MTMR2: variants seen among roughly 807,000 people sequenced by gnomAD.
MTMR2 encodes the protein phosphatidylinositol-3,5-bisphosphate 3-phosphatase MTMR2.
In MTMR2, 55 loss-of-function variants were observed where a neutral mutation model predicts 86.9. The observed-to-expected ratio is 0.63, with a 90% CI of 0.51 to 0.79. MTMR2 has a LOEUF of 0.79. Among genes scored for constraint, MTMR2 ranks in the 30% least tolerant of loss-of-function variants. The pLI is 0.00. For missense variants in MTMR2, 659 were observed against 772.3 expected (o/e 0.85, Z 1.74); for synonymous variants, 241 against 266.8 (o/e 0.90, Z 0.94).
chr11:95,867,674 G>T (rs1396591073), intron 2 of MTMR2, among the ~76,000 whole-genome samples: 1 of 152,086 alleles, frequency 6.6e-6, no homozygotes, highest in Non-Finnish European at 1.5e-5. Context: ...ACTGGAGATA[G>T]GAAAAGGAAC....
At chr11:95,893,472 T>C (rs940274353) in intron 1 of MTMR2, among the ~76,000 whole-genome samples, 1 of 152,134 alleles carries the variant, frequency 6.6e-6, no homozygotes, top group Admixed American at 6.6e-5. Context: ...TCATGATTCA[T>C]TGCTCTCCTT....
chr11:95,865,254 C>T lies in MTMR2; in HGVS notation c.262+347G>A, dbSNP rs1000075635. Among the ~76,000 whole-genome samples the T allele has an allele frequency of 3.3e-5, 5 of 152,128 alleles. 1 individual carries two copies. Among genetic ancestry groups the T allele is most frequent in the Non-Finnish European group, 1.5e-5 (1 of 68,030 alleles). ...CAATTCAATGTTTTTATCTAGGCAACTCAATATCTGAATATAGTAATTCAA... is the reference window on the plus strand; with the variant it reads ...CAATTCAATGTTTTTATCTAGGCAATTCAATATCTGAATATAGTAATTCAA... On this transcript the variant is annotated intron_variant, in intron 3 of 14. Coordinates refer to ENST00000346299, the MANE Select transcript of MTMR2 (RefSeq NM_016156.6).
intron 2 of MTMR2, among the ~76,000 whole-genome samples, chr11:95,872,649 T>A (rs1265040915): frequency 2.0e-5 from 3 of 152,198 alleles, no homozygotes; most frequent in Non-Finnish European, 2.9e-5. Flanking sequence ...TCCAACACTA[T>A]GTTGAATAGG....
At chr11:95,858,851 G>GCA (rs1864304645) in intron 5 of MTMR2, among the ~76,000 whole-genome samples, 1 of 152,126 alleles carries the variant, frequency 6.6e-6, no homozygotes, top group African/African-American at 2.4e-5. Context: ...AATTCAGAGG[G>GCA]CAGGAAATTT....
At chr11:95,844,873 T>G in intron 11 of MTMR2, 80 bp downstream of exon 11, 2 of 1,289,916 alleles carry the variant, frequency 1.6e-6, no homozygotes, top group Non-Finnish European at 2.2e-6. Flanking sequence ...GATGAATATC[T>G]TATTTTAAAA....
chr11:95,872,913 C>T (rs1362902135), intron 2 of MTMR2, among the ~76,000 whole-genome samples: 30 of 152,062 alleles, frequency 2.0e-4, no homozygotes, highest in Non-Finnish European at 3.5e-4. Flanking sequence ...TGCTGGATTA[C>T]GTTTATTGAT....
intron 1 of MTMR2, among the ~76,000 whole-genome samples, chr11:95,903,077 C>A (rs1025953121): frequency 6.6e-6 from 1 of 152,136 alleles, no homozygotes; most frequent in Non-Finnish European, 1.5e-5. Flanking sequence ...TTCAGTTAAT[C>A]GAATTCCTCT....
At chr11:95,918,553 G>A (rs1365881860) in intron 1 of MTMR2, among the ~76,000 whole-genome samples, 1 of 152,138 alleles carries the variant, frequency 6.6e-6, no homozygotes, top group Non-Finnish European at 1.5e-5. Context: ...TCTTATCTAA[G>A]AGAACTTAGA....
chr11:95,905,962 C>T (rs962736239), intron 1 of MTMR2, among the ~76,000 whole-genome samples: 10 of 152,080 alleles, frequency 6.6e-5, no homozygotes, highest in African/African-American at 1.7e-4. Context: ...ATCGTGGTTC[C>T]GCCTGTAATA....
rs116972650 is a variant in MTMR2, at chr11:95,918,347, G to C, written c.80+5528C>G. ...TTGCATTTTTAACAAATCCCAAAGA[G>C]ATACTGATGCTACTGGCCTGGAGAC... On this transcript the variant is annotated intron_variant, in intron 1 of 14. Transcript: ENST00000346299. 5.7e-3 allele frequency among the ~76,000 whole-genome samples: 864 copies of C among 152,302 alleles called. 6 individuals carry two copies. Among genetic ancestry groups the C allele is most frequent in the Non-Finnish European group, 0.01 (699 of 68,024 alleles).
intron 1 of MTMR2, among the ~76,000 whole-genome samples, chr11:95,894,873 T>A (rs1865827924): frequency 6.6e-6 from 1 of 152,120 alleles, no homozygotes; most frequent in African/African-American, 2.4e-5. Flanking sequence ...TGAGAAAATA[T>A]GAGTAAAAAT....
intron 2 of MTMR2, among the ~76,000 whole-genome samples, chr11:95,870,344 TA>T (rs1282999658): frequency 6.6e-6 from 1 of 150,548 alleles, no homozygotes; most frequent in Non-Finnish European, 1.5e-5. Context: ...ACCAGTCATG[TA>T]AAAAAAAACA....
chr11:95,866,776 G>A (rs1347266359), intron 2 of MTMR2, among the ~76,000 whole-genome samples: 3 of 149,570 alleles, frequency 2.0e-5, no homozygotes, highest in African/African-American at 7.4e-5. Flanking sequence ...CTATGAAGAT[G>A]GGGTTAAAAA....
chr11:95,924,105 T>A lies in MTMR2; in HGVS notation c.-151A>T. On this transcript the variant is annotated 5_prime_UTR_variant, in exon 1 of 15. Transcript: ENST00000346299. ...CGGAAGCGGCCATGTTCCCCCAGAG[T>A]GCACCGCGCCTGTAGGCTGCTGGGC... is the stretch of plus-strand genomic sequence containing the variant. 3 of 971,464 alleles carry A rather than the reference T, an allele frequency of 3.1e-6. No homozygotes were observed. Among genetic ancestry groups the A allele is most frequent in the Non-Finnish European group, 4.7e-6 (3 of 634,442 alleles). The allele number at this position is 971,464 out of a possible 1,614,324, so 60.2% of individuals were successfully genotyped here.
intron 1 of MTMR2, among the ~76,000 whole-genome samples, chr11:95,920,674 A>G (rs1866887488): frequency 6.7e-6 from 1 of 148,552 alleles, no homozygotes; most frequent in Non-Finnish European, 1.5e-5. Flanking sequence ...GACTCATCAC[A>G]TGTTTATTGT....
chr11:95,836,356 C>T, intron 13 of MTMR2, 32 bp from the exon 14 acceptor site: 1 of 1,559,652 alleles, frequency 6.4e-7, no homozygotes, highest in Non-Finnish European at 8.8e-7. Flanking sequence ...AAAGATTCTC[C>T]ACCACATAAG....
chr11:95,840,758 T>C (rs544695486), intron 12 of MTMR2, among the ~76,000 whole-genome samples: 2 of 152,162 alleles, frequency 1.3e-5, no homozygotes, highest in African/African-American at 2.4e-5. Flanking sequence ...CAGTATTTTA[T>C]TGAAGCTAAA....
At chr11:95,878,759 T>C (rs1353654487) in intron 2 of MTMR2, among the ~76,000 whole-genome samples, 5 of 152,158 alleles carry the variant, frequency 3.3e-5, no homozygotes, top group Non-Finnish European at 5.9e-5. Flanking sequence ...TTCTGAGCTA[T>C]ACTTCAGACA....
intron 2 of MTMR2, among the ~76,000 whole-genome samples, chr11:95,883,623 T>C (rs546061805): frequency 7.9e-5 from 12 of 152,312 alleles, no homozygotes; most frequent in South Asian, 6.2e-4. Flanking sequence ...TATAAGACTT[T>C]TTCCATAACA....
Sources: allele counts gnomAD v4.1 joint callset (sites outside exome capture counted in the v4.1 genomes callset), GRCh38; gene constraint gnomAD v4.1.1; transcripts MANE v1.5; gene names NCBI Gene and HGNC (gene_info 2026-07-23, HGNC 2026-07-21).